Variants in ZKSCAN5 observed in about 807,000 individuals in gnomAD.
The protein encoded by ZKSCAN5 is zinc finger with KRAB and SCAN domains 5, also known as zinc finger protein with KRAB and SCAN domains 5.
Under a neutral mutation model 60.0 loss-of-function variants are expected in ZKSCAN5, and 28 were observed. That is an observed-to-expected ratio of 0.47 (90% CI 0.35 to 0.64). The LOEUF is 0.64. ZKSCAN5 is among the 30% of genes least tolerant of loss of function. ZKSCAN5 has a pLI of 0.01. For missense variants in ZKSCAN5, 881 were observed against 1,034.6 expected, an observed-to-expected ratio of 0.85 and a Z score of 2.04; for synonymous variants, 361 against 371.2, an observed-to-expected ratio of 0.97 and a Z score of 0.31.
chr7:99,507,212 G>A (rs1443187324), intron 2 of ZKSCAN5, among the ~76,000 whole-genome samples: 1 of 151,934 alleles, frequency 6.6e-6, no homozygotes, highest in Non-Finnish European at 1.5e-5. Context: ...GTGCACTTCT[G>A]CCTCTTTTTT....
At chr7:99,522,787 C>T (rs182140473) in intron 5 of ZKSCAN5, among the ~76,000 whole-genome samples, 34 of 151,476 alleles carry the variant, frequency 2.2e-4, no homozygotes, top group African/African-American at 4.8e-5. Flanking sequence ...ATGCCTGGCT[C>T]GTATGTTTTG....
At chr7:99,511,966 A>AT (rs1450169778) in intron 2 of ZKSCAN5, among the ~76,000 whole-genome samples, 1 of 151,766 alleles carries the variant, frequency 6.6e-6, no homozygotes, top group Admixed American at 6.6e-5. Flanking sequence ...ATTTTTTTGT[A>AT]TTTTTTTAGT....
Position 99,527,495 on chromosome 7 carries a change from G to A in ZKSCAN5, c.1378+1077G>A, listed in dbSNP as rs144849039. On this transcript the variant is annotated intron_variant, in intron 6 of 6. Coordinates refer to ENST00000326775, the MANE Select transcript of ZKSCAN5 (RefSeq NM_145102.4). ...TTTTTTTTTTATAAGTCTGTTTCACGTAGTCGTACTCAGAATTAAATATTA... is the reference window on the plus strand; with the variant it reads ...TTTTTTTTTTATAAGTCTGTTTCACATAGTCGTACTCAGAATTAAATATTA... Among the ~76,000 whole-genome samples, 845 of 151,604 alleles carry A rather than the reference G, an allele frequency of 5.6e-3. 6 individuals carry two copies. The highest frequency in any genetic ancestry group is 0.02 in the African/African-American group (813 of 41,316).
intron 3 of ZKSCAN5, among the ~76,000 whole-genome samples, chr7:99,519,228 C>T (rs1465213476): frequency 2.0e-5 from 3 of 151,228 alleles, no homozygotes; most frequent in African/African-American, 7.3e-5. Context: ...CCTGCCTCGG[C>T]CTCCCAAAGT....
chr7:99,506,562 G>C, intron 2 of ZKSCAN5, 104 bp downstream of exon 2: 1 of 1,385,886 alleles, frequency 7.2e-7, no homozygotes, highest in Non-Finnish European at 9.6e-7. Flanking sequence ...ATATTCTTTT[G>C]TTCTCCTGGG....
At chr7:99,507,509 ATGTG>A (rs1244520879) in intron 2 of ZKSCAN5, among the ~76,000 whole-genome samples, 34 of 137,548 alleles carry the variant, frequency 2.5e-4, no homozygotes, top group South Asian at 5.4e-4. Context: ...GTGTATATAT[ATGTG>A]TGTATATATG....
chr7:99,531,151 G>T lies in ZKSCAN5; in HGVS notation c.1422G>T (p.Lys474Asn), dbSNP rs776065705. 1 of 1,602,938 alleles carries T rather than the reference G, an allele frequency of 6.2e-7. No individual in the cohort carries two copies. The highest frequency in any genetic ancestry group is 1.1e-5 in the South Asian group (1 of 87,942). Reference sequence around the variant, plus strand: ...AGAACACAAAATTAAGTGTTAAGAAGAAAATTTCAGAATATTCAGAAGCAG... The same window carrying T: ...AGAACACAAAATTAAGTGTTAAGAATAAAATTTCAGAATATTCAGAAGCAG... The part of the protein sequence containing the change: ...RSKNTKLSVK[K>N]KISEYSEADM... Residue 474 changes from lysine (K) to asparagine (N), a missense_variant, in exon 7 of 7, where the codon AAG becomes AAT. Coordinates refer to ENST00000326775, the MANE Select transcript of ZKSCAN5 (RefSeq NM_145102.4).
intron 6 of ZKSCAN5, among the ~76,000 whole-genome samples, chr7:99,528,735 A>G (rs565716115): frequency 2.6e-5 from 4 of 152,014 alleles, no homozygotes; most frequent in Admixed American, 2.6e-4. Context: ...GTCCTCCCTC[A>G]TTTTTCTGGA....
In ZKSCAN5 at chr7:99,533,807, A is replaced by C; in HGVS notation, c.*1558A>C. 2.5e-6 allele frequency: 1 copy of C among 394,130 alleles called. No homozygotes were observed. The highest frequency in any genetic ancestry group is 4.5e-6 in the Non-Finnish European group (1 of 223,870). 24.4% of individuals were successfully genotyped at this position (394,130 alleles called of 1,614,324 possible). On this transcript the variant is annotated 3_prime_UTR_variant, in exon 7 of 7. Coordinates refer to ENST00000326775, the MANE Select transcript of ZKSCAN5 (RefSeq NM_145102.4). ...TCCCTCAAAGGCGTTTCCCAAATAA[A>C]TCACACTGTCAATCACATGGTTCTG...
At chr7:99,516,492 G>A (rs892594250) in intron 3 of ZKSCAN5, among the ~76,000 whole-genome samples, 2 of 152,010 alleles carry the variant, frequency 1.3e-5, no homozygotes, top group African/African-American at 4.8e-5. Context: ...TTGGAAATCA[G>A]CAAGCCACGG....
At position 99,507,529 on chromosome 7, in the gene ZKSCAN5, G is replaced by GTATATATA. The variant is rs1562901601; in HGVS notation, c.414+1072_414+1073insATATATAT. Among the ~76,000 whole-genome samples the GTATATATA allele has an allele frequency of 1.3e-4, 16 of 120,192 alleles. No homozygotes were observed. In the East Asian group the frequency reaches 1.5e-3, roughly 11 times the overall value. 78.9% of individuals were successfully genotyped at this position (120,192 alleles called of 152,430 possible). On this transcript the variant is annotated intron_variant, in intron 2 of 6. Coordinates refer to ENST00000326775, the MANE Select transcript of ZKSCAN5 (RefSeq NM_145102.4). ...TATATATGTGTGTATATATGTATAT[G>GTATATATA]TGTATATATATATGTATATATATGT... is the stretch of plus-strand genomic sequence containing the variant.
chr7:99,526,465 CA>C, intron 6 of ZKSCAN5, 47 bp downstream of exon 6: 2 of 1,561,488 alleles, frequency 1.3e-6, no homozygotes, highest in Non-Finnish European at 1.7e-6. Flanking sequence ...AGGCGAAAAG[CA>C]AAAGGTGTTT....
At chr7:99,520,008 A>G in intron 4 of ZKSCAN5, 99 bp downstream of exon 4, 1 of 1,516,226 alleles carries the variant, frequency 6.6e-7, no homozygotes, top group African/African-American at 1.4e-5. Flanking sequence ...TTGGGTTGGT[A>G]CCTTCATTCC....
rs1366539223 is a variant in ZKSCAN5, at chr7:99,531,421, T to G, written c.1692T>G (p.Leu564=). 3.7e-6 allele frequency: 6 copies of G among 1,614,202 alleles called. No individual in the cohort carries two copies. Among genetic ancestry groups the G allele is most frequent in the Non-Finnish European group, 5.1e-6 (6 of 1,180,030 alleles). ...AAAGCTTCATTCAGAGTGCACATCTTATTCAACATCAAAGAATACACACTG... is the reference window on the plus strand; with the variant it reads ...AAAGCTTCATTCAGAGTGCACATCTGATTCAACATCAAAGAATACACACTG... ...CGKSFIQSAH[L]IQHQRIHTGE... is the part of the protein sequence containing the mutation. The change falls in exon 7 of 7, where the codon CTT becomes CTG. Residue 564 remains leucine (L), a synonymous_variant. Transcript: ENST00000326775.
chr7:99,515,808 T>G (rs1584179661), intron 3 of ZKSCAN5, among the ~76,000 whole-genome samples: 1 of 141,402 alleles, frequency 7.1e-6, no homozygotes, highest in South Asian at 2.2e-4. Flanking sequence ...CACTCCAGCC[T>G]GGGCGACAAA....
intron 5 of ZKSCAN5, 53 bp from the exon 6 acceptor site, chr7:99,525,760 T>C: frequency 6.4e-7 from 1 of 1,551,198 alleles, no homozygotes; most frequent in Non-Finnish European, 8.7e-7. Flanking sequence ...CTCATTTTAT[T>C]TCTTCAAATT....
At chr7:99,516,593 TCAAGG>T (rs1222714730) in intron 3 of ZKSCAN5, among the ~76,000 whole-genome samples, 2 of 152,080 alleles carry the variant, frequency 1.3e-5, no homozygotes, top group Admixed American at 6.6e-5. Flanking sequence ...TCTGTGCAAG[TCAAGG>T]CACATGTGGA....
At chr7:99,506,560 T>A in intron 2 of ZKSCAN5, 102 bp downstream of exon 2, 1 of 1,401,580 alleles carries the variant, frequency 7.1e-7, no homozygotes, top group Middle Eastern at 2.0e-4. Context: ...TCATATTCTT[T>A]TGTTCTCCTG....
chr7:99,508,374 T>C (rs1800862893), intron 2 of ZKSCAN5, among the ~76,000 whole-genome samples: 1 of 151,944 alleles, frequency 6.6e-6, no homozygotes, highest in South Asian at 2.1e-4. Context: ...CAATTTAGAG[T>C]ACCACCAACA....
Sources: gnomAD v4.1 joint callset for allele counts (sites outside exome capture counted in the v4.1 genomes callset) on GRCh38, gnomAD v4.1.1 for gene constraint, MANE v1.5 for transcripts, NCBI Gene and HGNC (gene_info 2026-07-23, HGNC 2026-07-21) for gene names.